ST6GALNAC3: variants seen among roughly 807,000 people sequenced by gnomAD.
The protein encoded by ST6GALNAC3 is ST6 N-acetylgalactosaminide alpha-2,6-sialyltransferase 3, also known as alpha-N-acetylgalactosaminide alpha-2,6-sialyltransferase 3.
In ST6GALNAC3, 25 loss-of-function variants were observed where a neutral mutation model predicts 32.7. The observed-to-expected ratio is 0.76, with a 90% CI of 0.56 to 1.07. The LOEUF (loss-of-function observed/expected upper bound fraction) is 1.07, where lower values mean the gene tolerates loss of function less well. Ranked by LOEUF, ST6GALNAC3 falls within the 50% of genes least tolerant of loss-of-function variation. ST6GALNAC3 has a pLI of 0.00. For synonymous variants in ST6GALNAC3, 129 were observed against 133.1 expected (o/e 0.97, Z 0.21); for missense variants, 355 against 382.4 (o/e 0.93, Z 0.60).
At chr1:76,152,624 T>C (rs964377549) in intron 1 of ST6GALNAC3, among the ~76,000 whole-genome samples, 5 of 152,226 alleles carry the variant, frequency 3.3e-5, no homozygotes, top group Non-Finnish European at 7.3e-5. Flanking sequence ...ACTGAGGATG[T>C]TGACCATGGC....
intron 2 of ST6GALNAC3, among the ~76,000 whole-genome samples, chr1:76,385,702 A>T (rs991873214): frequency 6.6e-6 from 1 of 152,130 alleles, no homozygotes; most frequent in African/African-American, 2.4e-5. Flanking sequence ...ACAAGCAATC[A>T]GGAAGACGGG....
At chr1:76,352,297 C>T (rs1649041997) in intron 2 of ST6GALNAC3, among the ~76,000 whole-genome samples, 1 of 151,778 alleles carries the variant, frequency 6.6e-6, no homozygotes, top group Non-Finnish European at 1.5e-5. Context: ...ACATTGTCAA[C>T]ACATTGTTCT....
intron 1 of ST6GALNAC3, among the ~76,000 whole-genome samples, chr1:76,113,185 G>A (rs962598699): frequency 2.0e-5 from 3 of 152,154 alleles, no homozygotes; most frequent in African/African-American, 7.2e-5. Flanking sequence ...AAAAAAATAC[G>A]AAAACCAGTC....
At position 76,175,858 on chromosome 1, in the gene ST6GALNAC3, A is replaced by C. The variant is rs1652817048; in HGVS notation, c.18+100974A>C. Among the ~76,000 whole-genome samples, 3 of 152,190 alleles carry C rather than the reference A, an allele frequency of 2.0e-5. 1 individual carries two copies. Among genetic ancestry groups the C allele is most frequent in the African/African-American group, 7.2e-5 (3 of 41,444 alleles). ...TCTTTTAAGACTGAAGGTACTAATC[A>C]CAATTTTAACATTGCTTCTCCAGAA... On this transcript the variant is annotated intron_variant, in intron 1 of 4. Transcript: ENST00000328299.
chr1:76,630,125 G>T lies in ST6GALNAC3; in HGVS notation c.*1319G>T. The T allele has an allele frequency of 3.0e-6, 3 of 985,074 alleles. No individual in the cohort carries two copies. The highest frequency in any genetic ancestry group is 3.6e-6 in the Non-Finnish European group (3 of 829,806). 61.0% of individuals were successfully genotyped at this position (985,074 alleles called of 1,614,324 possible). ...TCTTTAGCAGATGATCTGTAATTTGGTCATTGTTCTGTTATATTCCAGATT... is the reference window on the plus strand; with the variant it reads ...TCTTTAGCAGATGATCTGTAATTTGTTCATTGTTCTGTTATATTCCAGATT... On this transcript the variant is annotated 3_prime_UTR_variant, in exon 5 of 5. Transcript: ENST00000328299.
chr1:76,253,892 A>T (rs975848885), intron 1 of ST6GALNAC3, among the ~76,000 whole-genome samples: 2 of 152,136 alleles, frequency 1.3e-5, no homozygotes, highest in South Asian at 2.1e-4. Flanking sequence ...TTGCGGAAGA[A>T]TGGTGTGTGC....
intron 3 of ST6GALNAC3, among the ~76,000 whole-genome samples, chr1:76,484,444 T>C (rs1659958904): frequency 6.6e-6 from 1 of 152,210 alleles, no homozygotes; most frequent in Non-Finnish European, 1.5e-5. Flanking sequence ...TCACATCCCT[T>C]GTAAGTTGGA....
intron 3 of ST6GALNAC3, among the ~76,000 whole-genome samples, chr1:76,451,572 TTG>T (rs752723879): frequency 7.2e-5 from 11 of 152,212 alleles, no homozygotes; most frequent in Non-Finnish European, 1.3e-4. Context: ...TTCCATTTGT[TTG>T]TGTCACCTAT....
At chr1:76,194,627 A>G (rs1457722372) in intron 1 of ST6GALNAC3, among the ~76,000 whole-genome samples, 1 of 152,202 alleles carries the variant, frequency 6.6e-6, no homozygotes, top group East Asian at 1.9e-4. Flanking sequence ...GAAGACATAG[A>G]TATGGATTCT....
chr1:76,515,455 T>A (rs1379645958), intron 3 of ST6GALNAC3, among the ~76,000 whole-genome samples: 1 of 152,140 alleles, frequency 6.6e-6, no homozygotes, highest in Non-Finnish European at 1.5e-5. Context: ...TTCTACCAAT[T>A]CTGGCTTAGT....
intron 1 of ST6GALNAC3, among the ~76,000 whole-genome samples, chr1:76,272,689 G>C (rs776175932): frequency 5.3e-5 from 8 of 152,128 alleles, no homozygotes; most frequent in Non-Finnish European, 1.0e-4. Flanking sequence ...TCTATCATCA[G>C]GTGTCATCTT....
intron 3 of ST6GALNAC3, among the ~76,000 whole-genome samples, chr1:76,413,752 C>A (rs1654431279): frequency 6.6e-6 from 1 of 152,024 alleles, no homozygotes; most frequent in African/African-American, 2.4e-5. Context: ...CATAAACTGT[C>A]CAAAATGACA....
chr1:76,088,323 A>G (rs1041493507), intron 1 of ST6GALNAC3, among the ~76,000 whole-genome samples: 4 of 152,232 alleles, frequency 2.6e-5, no homozygotes, highest in African/African-American at 9.6e-5. Context: ...GTACTATTAC[A>G]AACCATTCCA....
intron 3 of ST6GALNAC3, among the ~76,000 whole-genome samples, chr1:76,624,728 T>C (rs942932992): frequency 6.6e-6 from 1 of 151,840 alleles, no homozygotes; most frequent in Non-Finnish European, 1.5e-5. Flanking sequence ...TGCAACACCT[T>C]CCATGAGTGG....
chr1:76,109,923 C>G (rs1405628938), intron 1 of ST6GALNAC3, among the ~76,000 whole-genome samples: 2 of 151,974 alleles, frequency 1.3e-5, no homozygotes, highest in African/African-American at 4.8e-5. Flanking sequence ...TAGATTTCCA[C>G]TGGAAAAAAA....
chr1:76,502,078 A>T (rs1000740572), intron 3 of ST6GALNAC3, among the ~76,000 whole-genome samples: 5 of 152,166 alleles, frequency 3.3e-5, no homozygotes, highest in African/African-American at 1.2e-4. Flanking sequence ...TCTTATCAGG[A>T]AAAAAAATAT....
chr1:76,327,790 A>G (rs1375169156), intron 2 of ST6GALNAC3, among the ~76,000 whole-genome samples: 1 of 152,060 alleles, frequency 6.6e-6, no homozygotes, highest in East Asian at 1.9e-4. Flanking sequence ...GGGTTTCACC[A>G]TGTTGGCCAA....
At chr1:76,522,495 G>T in intron 3 of ST6GALNAC3, among the ~76,000 whole-genome samples, 1 of 151,418 alleles carries the variant, frequency 6.6e-6, no homozygotes, top group Non-Finnish European at 1.5e-5. Context: ...TTTCCACTTG[G>T]GTCTTTTCTA....
At chr1:76,281,497 C>T (rs1659496446) in intron 1 of ST6GALNAC3, among the ~76,000 whole-genome samples, 1 of 152,210 alleles carries the variant, frequency 6.6e-6, no homozygotes, top group South Asian at 2.1e-4. Flanking sequence ...TGTGCCTGCA[C>T]TCCTCATCTG....
Sources: allele counts gnomAD v4.1 joint callset (sites outside exome capture counted in the v4.1 genomes callset), GRCh38; gene constraint gnomAD v4.1.1; transcripts MANE v1.5; gene names NCBI Gene and HGNC (gene_info 2026-07-23, HGNC 2026-07-21).